ATRN: variants seen among roughly 807,000 people sequenced by gnomAD.
The protein encoded by ATRN is attractin-2.
Under a neutral mutation model 178.7 loss-of-function variants are expected in ATRN, and 54 were observed. The observed-to-expected ratio is 0.30, with a 90% CI of 0.24 to 0.38. The LOEUF is 0.38. ATRN is among the 10% of genes least tolerant of loss of function. The probability of loss-of-function intolerance (pLI) is 1.00; values close to 1 mark genes in which losing one functional copy is unlikely to be tolerated. For missense variants in ATRN, 1,443 were observed against 1,815.1 expected (o/e 0.79, Z 3.73); for synonymous variants, 636 against 663.0 (o/e 0.96, Z 0.63).
rs1292049358 is a variant in ATRN at position 3,638,337 on chromosome 20, G to A, written c.3943-491G>A. On this transcript the variant is annotated intron_variant, in intron 26 of 28. Transcript: ENST00000262919. This position sits in a 1 kb window ranked among gnomAD's most constrained non-coding sequence, Gnocchi z 4.5. ...GTGATGTTCCCTTCCCTGTGTCCAT[G>A]TGTTCTCATGGTTCAACTCCCACTT... Among the ~76,000 whole-genome samples the A allele has an allele frequency of 1.3e-5, 2 of 152,044 alleles. No individual in the cohort carries two copies. Among genetic ancestry groups the A allele is most frequent in the Non-Finnish European group, 2.9e-5 (2 of 68,030 alleles).
In ATRN at chr20:3,560,823, G is replaced by C; in HGVS notation, c.1365G>C (p.Lys455Asn). The C allele has an allele frequency of 6.2e-7, 1 of 1,614,184 alleles. No homozygotes were observed. The highest frequency in any genetic ancestry group is 8.5e-7 in the Non-Finnish European group (1 of 1,180,036). ...ACTCTGCACACATTGTTACACTGAA[G>C]AATGGCCGAGTGGTCATGCTGGTCA... is the stretch of plus-strand genomic sequence containing the variant. ...VGHSAHIVTL[K>N]NGRVVMLVIF... The change falls in exon 8 of 29, where the codon AAG becomes AAC. Residue 455 changes from lysine to asparagine, a missense_variant. By Grantham distance (94) the Lys-to-Asn change is moderately conservative. This residue lies in a region of ATRN where 862 missense variants were observed against 972.1 expected (regional missense o/e 0.89). Transcript: ENST00000262919.
intron 3 of ATRN, among the ~76,000 whole-genome samples, chr20:3,545,391 C>T (rs1376554675): frequency 1.4e-5 from 2 of 147,392 alleles, no homozygotes; most frequent in African/African-American, 4.9e-5. Context: ...ACAACAAAAA[C>T]CTCATGTCTT....
At chr20:3,604,047 G>A in intron 23 of ATRN, 58 bp from the exon 24 acceptor site, 1 of 1,443,110 alleles carries the variant, frequency 6.9e-7, no homozygotes, top group Non-Finnish European at 9.3e-7. Context: ...GCCAGATTCT[G>A]TTCTCCCCCT....
rs777137284 is a variant in ATRN at position 3,535,365 on chromosome 20, G to GT, written c.494+36dup. ...AGTAGAAATGGCTGACTTAATTTTT[G>GT]TTTTTTTAGCATAGAAGTCAGTGTG... is the stretch of plus-strand genomic sequence containing the variant. On this transcript the variant is annotated intron_variant, in intron 2 of 28. Coordinates refer to ENST00000262919, the MANE Select transcript of ATRN (RefSeq NM_139321.3). 87 of 1,336,898 alleles carry GT rather than the reference G, an allele frequency of 6.5e-5. No homozygotes were observed. In the African/African-American group the frequency reaches 1.1e-3, roughly 17 times the overall value. The allele number at this position is 1,336,898 out of a possible 1,614,324, so 82.8% of individuals were successfully genotyped here.
chr20:3,491,831 AT>A (rs1316236266), intron 1 of ATRN, among the ~76,000 whole-genome samples: 1 of 152,164 alleles, frequency 6.6e-6, no homozygotes, highest in African/African-American at 2.4e-5. Context: ...TAGAAGCAAG[AT>A]TGTGTAGGTC....
At chr20:3,494,913 G>A (rs1479288259) in intron 1 of ATRN, among the ~76,000 whole-genome samples, 1 of 152,108 alleles carries the variant, frequency 6.6e-6, no homozygotes, top group Non-Finnish European at 1.5e-5. Flanking sequence ...GTCTTTCAAG[G>A]TTGATGATTT....
Position 3,646,729 on chromosome 20 carries a change from C to A in ATRN, c.4172C>A (p.Ala1391Asp). The change falls in exon 29 of 29, where the codon GCT becomes GAT. Residue 1391 changes from alanine (A) to aspartate (D), a missense_variant. By Grantham distance (126) the Ala-to-Asp change is moderately radical. Transcript: ENST00000262919. ...GIPPPGQSGL[A>D]VASALVDISQ... ...TCTCTGTGGTTCTCCCAAGGTCTTG[C>A]TGTGGCCAGCGCCCTGGTGGACATT... The A allele has an allele frequency of 6.2e-7, 1 of 1,601,304 alleles. No individual in the cohort carries two copies. Among genetic ancestry groups the A allele is most frequent in the South Asian group, 1.1e-5 (1 of 88,902 alleles).
chr20:3,573,753 TTTTATTTTA>T (rs1317364851), intron 12 of ATRN, among the ~76,000 whole-genome samples: 2 of 91,726 alleles, frequency 2.2e-5, no homozygotes, highest in Non-Finnish European at 4.1e-5. Context: ...TTTTGTTTTA[TTTTATTTTA>T]TTTATTTATT....
At chr20:3,621,811 G>A (rs977619450) in intron 24 of ATRN, among the ~76,000 whole-genome samples, 4 of 151,938 alleles carry the variant, frequency 2.6e-5, no homozygotes, top group Non-Finnish European at 5.9e-5. Flanking sequence ...AACATTTATA[G>A]TTACAATCAT....
chr20:3,524,364 G>A (rs139934196), intron 1 of ATRN, among the ~76,000 whole-genome samples: 5 of 152,144 alleles, frequency 3.3e-5, no homozygotes, highest in Admixed American at 1.3e-4. Context: ...AGAAGAGCTA[G>A]CTATGCTAAA....
At chr20:3,503,623 G>C (rs1041548536) in intron 1 of ATRN, among the ~76,000 whole-genome samples, 2 of 152,152 alleles carry the variant, frequency 1.3e-5, no homozygotes, top group African/African-American at 4.8e-5. Context: ...GCTCAATAGA[G>C]TGGCAGTGAC....
At chr20:3,537,097 T>C (rs987506051) in intron 2 of ATRN, among the ~76,000 whole-genome samples, 1 of 152,228 alleles carries the variant, frequency 6.6e-6, no homozygotes, top group African/African-American at 2.4e-5. Flanking sequence ...TATGTTGATA[T>C]ATTTATTCCA....
chr20:3,592,331 C>T lies in ATRN; in HGVS notation c.3322+1025C>T, dbSNP rs534971392. On this transcript the variant is annotated intron_variant, in intron 19 of 28. Coordinates refer to ENST00000262919, the MANE Select transcript of ATRN (RefSeq NM_139321.3). ...ATGAGAATTGCTTGAACCTGGGAGG[C>T]GGAGGTTGCAGTGAGCTAAGATCAC... 1.4e-4 allele frequency: 59 copies of T among 416,142 alleles called. No individual in the cohort carries two copies. The South Asian group carries it at 4.8e-3, about 34-fold the overall frequency. 25.8% of individuals were successfully genotyped at this position (416,142 alleles called of 1,614,324 possible).
intron 27 of ATRN, among the ~76,000 whole-genome samples, chr20:3,641,605 A>AG (rs1410127625): frequency 4.6e-5 from 7 of 150,968 alleles, no homozygotes; most frequent in African/African-American, 1.7e-4. Flanking sequence ...AAAAAAAAAA[A>AG]AAAAAAAAAA....
At chr20:3,586,573 G>A (rs187197652) in intron 18 of ATRN, among the ~76,000 whole-genome samples, 1 of 152,082 alleles carries the variant, frequency 6.6e-6, no homozygotes, top group Non-Finnish European at 1.5e-5. Context: ...AAGGCAGAAA[G>A]TAGATGTTTA....
At chr20:3,489,586 A>C in intron 1 of ATRN, 1 of 1,484,486 alleles carries the variant, frequency 6.7e-7, no homozygotes, top group Non-Finnish European at 9.4e-7. Context: ...CAACATTCCC[A>C]CTTGAGTCTT....
At chr20:3,640,028 C>G (rs1297172806) in intron 27 of ATRN, among the ~76,000 whole-genome samples, 1 of 152,136 alleles carries the variant, frequency 6.6e-6, no homozygotes, top group African/African-American at 2.4e-5. Context: ...GTAGCAGAAA[C>G]AACAGATGAT....
chr20:3,574,155 AAGC>A (rs1466924655), intron 12 of ATRN, among the ~76,000 whole-genome samples: 1 of 152,208 alleles, frequency 6.6e-6, no homozygotes, highest in Non-Finnish European at 1.5e-5. Flanking sequence ...TGATGGATAG[AAGC>A]AGCTTTCATT....
chr20:3,562,278 A>G lies in ATRN; in HGVS notation c.1450A>G (p.Lys484Glu), dbSNP rs752587387. 6.2e-7 allele frequency: 1 copy of G among 1,610,530 alleles called. No individual in the cohort carries two copies. Among genetic ancestry groups the G allele is most frequent in the South Asian group, 1.1e-5 (1 of 90,364 alleles). ...CTTTAACTGTCTTTCCTTTCCAGATAAGAACACATGGAGTATATTACACAC... is the reference window on the plus strand; with the variant it reads ...CTTTAACTGTCTTTCCTTTCCAGATGAGAACACATGGAGTATATTACACAC... ...ISNVQEYDLDKNTWSILHTQG... is the reference protein window; with the variant it reads ...ISNVQEYDLDENTWSILHTQG... The change falls in exon 9 of 29, where the codon AAG (lysine) becomes GAG (glutamate). Residue 484 changes from lysine to glutamate, a missense_variant and splice_region_variant. By Grantham distance (56) the Lys-to-Glu change is moderately conservative (BLOSUM62 1). This residue lies in a region of ATRN where 862 missense variants were observed against 972.1 expected (regional missense o/e 0.89). Coordinates refer to ENST00000262919, the MANE Select transcript of ATRN (RefSeq NM_139321.3).
Sources: gnomAD v4.1 joint callset for allele counts (sites outside exome capture counted in the v4.1 genomes callset) on GRCh38, gnomAD v4.1.1 for gene constraint, gnomAD v4.1.1 regional missense constraint, Gnocchi (gnomAD v3.1) non-coding constraint, MANE v1.5 for transcripts, NCBI Gene and HGNC (gene_info 2026-07-23, HGNC 2026-07-21) for gene names.